The following LMNB1 variants were observed in gnomAD, a reference collection of about 807,000 sequenced individuals.
The protein encoded by LMNB1 is lamin B1, also known as lamin-B1.
Under a neutral mutation model 67.1 loss-of-function variants are expected in LMNB1, and 23 were observed. The observed-to-expected ratio is 0.34, with a 90% CI of 0.25 to 0.49. The LOEUF (loss-of-function observed/expected upper bound fraction) is 0.49. Ranked by LOEUF, LMNB1 falls within the 20% of genes least tolerant of loss-of-function variation. LMNB1 has a pLI of 0.99. For missense variants in LMNB1, 634 were observed against 746.5 expected, an observed-to-expected ratio of 0.85 and a Z score of 1.76; for synonymous variants, 281 against 282.9, an observed-to-expected ratio of 0.99 and a Z score of 0.07.
At position 126,777,832 on chromosome 5, in the gene LMNB1, C is replaced by T; in HGVS notation, c.324C>T (p.Gly108=). ...GCGCCAAGCTGCAGATCGAGCTGGG[C>T]AAGTGCAAGGCGGAACACGACCAGC... ...RERAKLQIEL[G]KCKAEHDQLL... is the part of the protein sequence containing the mutation. Residue 108 remains glycine (G), a synonymous_variant, in exon 1 of 11, where the codon GGC becomes GGT. Coordinates refer to ENST00000261366, the MANE Select transcript of LMNB1 (RefSeq NM_005573.4). 6.8e-7 allele frequency: 1 copy of T among 1,472,782 alleles called. No homozygotes were observed. Among genetic ancestry groups the T allele is most frequent in the Non-Finnish European group, 9.0e-7 (1 of 1,110,776 alleles). 91.2% of individuals were successfully genotyped at this position (1,472,782 alleles called of 1,614,324 possible).
At position 126,836,619 on chromosome 5, in the gene LMNB1, A is replaced by G; in HGVS notation, c.*355A>G. On this transcript the variant is annotated 3_prime_UTR_variant, in exon 11 of 11. Transcript: ENST00000261366. ...CACTGTGCGTCTTGGTGTAATTTGA[A>G]GATTGCCCCATCTAGACTAGCAATC... is the stretch of plus-strand genomic sequence containing the variant. The G allele has an allele frequency of 2.8e-6, 1 of 359,164 alleles. No individual in the cohort carries two copies. The highest frequency in any genetic ancestry group is 4.9e-6 in the Non-Finnish European group (1 of 203,542). The allele number at this position is 359,164 out of a possible 1,614,324, so 22.2% of individuals were successfully genotyped here.
At chr5:126,808,566 AAAGG>A (rs1299156993) in intron 3 of LMNB1, among the ~76,000 whole-genome samples, 1 of 152,110 alleles carries the variant, frequency 6.6e-6, no homozygotes, top group East Asian at 1.9e-4. Flanking sequence ...TTGGGGGAAA[AAAGG>A]AAGGAGAAAG....
At chr5:126,792,960 A>G (rs1041124368) in intron 1 of LMNB1, among the ~76,000 whole-genome samples, 2 of 152,210 alleles carry the variant, frequency 1.3e-5, no homozygotes, top group Non-Finnish European at 1.5e-5. Flanking sequence ...AGGAGCAATA[A>G]TGATGCTTAG....
chr5:126,779,034 C>A (rs1750556380), intron 1 of LMNB1, among the ~76,000 whole-genome samples: 1 of 152,112 alleles, frequency 6.6e-6, no homozygotes, highest in Non-Finnish European at 1.5e-5. Context: ...AATTCATGGT[C>A]GCCATTAGCA....
intron 4 of LMNB1, 89 bp from the exon 5 acceptor site, chr5:126,811,684 C>G (rs2126718493): frequency 1.6e-6 from 2 of 1,260,020 alleles, no homozygotes; most frequent in East Asian, 4.8e-5. Context: ...ACCAGCAGGA[C>G]TTAGGTTTGA....
rs11430160 is a variant in LMNB1 at position 126,812,718 on chromosome 5, C to CTTTTTTTTTTTTT, written c.939+832_939+844dup. 8.5e-5 allele frequency among the ~76,000 whole-genome samples: 10 copies of CTTTTTTTTTTTTT among 117,158 alleles called. 1 individual carries two copies. Among genetic ancestry groups the CTTTTTTTTTTTTT allele is most frequent in the African/African-American group, 2.4e-4 (7 of 29,378 alleles). The allele number at this position is 117,158 out of a possible 152,430, so 76.9% of individuals were successfully genotyped here. On this transcript the variant is annotated intron_variant, in intron 5 of 10. Coordinates refer to ENST00000261366, the MANE Select transcript of LMNB1 (RefSeq NM_005573.4). ...CCACATGAGAATAAACTTTATTTTACTTTTTTTTTTTTTTTTTTTTTTTTC... is the reference window on the plus strand; with the variant it reads ...CCACATGAGAATAAACTTTATTTTACTTTTTTTTTTTTTTTTTTTTTTTTTTTTTTTTTTTTTC...
rs771395775 is a variant in LMNB1, at chr5:126,804,806, C to T, written c.390C>T (p.Gly130=). The T allele has an allele frequency of 4.3e-6, 7 of 1,613,972 alleles. No homozygotes were observed. The highest frequency in any genetic ancestry group is 1.7e-4 in the Middle Eastern group (1 of 6,060). Residue 130 remains glycine, a synonymous_variant, in exon 2 of 11, where the codon GGC becomes GGT. Coordinates refer to ENST00000261366, the MANE Select transcript of LMNB1 (RefSeq NM_005573.4). The part of the protein sequence containing the change: ...NYAKKESDLN[G]AQIKLREYEA... ...CTAAGAAGGAATCTGATCTTAATGG[C>T]GCCCAGATCAAGCTTCGAGAATATG... is the stretch of plus-strand genomic sequence containing the variant.
In LMNB1 at chr5:126,810,295, A is replaced by G; in HGVS notation, c.758A>G (p.His253Arg). 4.3e-6 allele frequency: 7 copies of G among 1,613,824 alleles called. No homozygotes were observed. Among genetic ancestry groups the G allele is most frequent in the African/African-American group, 1.3e-5 (1 of 75,056 alleles). ...AQALHEMREQ[H>R]DAQVRLYKEE... ...GCCCTTCATGAGATGAGAGAGCAAC[A>G]TGATGCCCAAGTGAGGCTGTATAAG... is the stretch of plus-strand genomic sequence containing the variant. Residue 253 changes from histidine (H) to arginine (R), a missense_variant, in exon 4 of 11, where the codon CAT (histidine) becomes CGT (arginine). By Grantham distance (29) the His-to-Arg change is conservative (BLOSUM62 0). Transcript: ENST00000261366.
rs760426075 is a variant in LMNB1 at position 126,805,667 on chromosome 5, T to C, written c.613T>C (p.Leu205=). The change falls in exon 3 of 11, where the codon TTG becomes CTG. Residue 205 remains leucine, a synonymous_variant. Transcript: ENST00000261366. ...TCGTTGTCAGAGCCTTACTGAGGAC[T>C]TGGAGTTTCGCAAAAGCATGTATGA... ...ENRCQSLTED[L]EFRKSMYEEE... is the part of the protein sequence containing the mutation. 1.2e-6 allele frequency: 2 copies of C among 1,612,124 alleles called. No homozygotes were observed. Among genetic ancestry groups the C allele is most frequent in the East Asian group, 2.2e-5 (1 of 44,842 alleles).
At chr5:126,811,280 T>C (rs1354514955) in intron 4 of LMNB1, among the ~76,000 whole-genome samples, 2 of 152,218 alleles carry the variant, frequency 1.3e-5, no homozygotes, top group East Asian at 1.9e-4. Flanking sequence ...AATAGTGTTA[T>C]GGGATTTGTA....
intron 3 of LMNB1, 111 bp from the exon 4 acceptor site, chr5:126,810,065 GACAA>G (rs1328479782): frequency 5.3e-6 from 5 of 938,606 alleles, no homozygotes; most frequent in Non-Finnish European, 7.9e-6. Context: ...ACCGCCTGAG[GACAA>G]ACAGGAGGAA....
At chr5:126,800,979 AT>A (rs1175036200) in intron 1 of LMNB1, among the ~76,000 whole-genome samples, 9 of 35,478 alleles carry the variant, frequency 2.5e-4, no homozygotes, top group Admixed American at 7.6e-4. Context: ...ATATATATAT[AT>A]AATTTTTTTT....
At chr5:126,798,762 AGTGT>A (rs71665643) in intron 1 of LMNB1, among the ~76,000 whole-genome samples, 65 of 149,180 alleles carry the variant, frequency 4.4e-4, no homozygotes, top group African/African-American at 1.1e-3. Flanking sequence ...AAAAAAGAGA[AGTGT>A]GTGTGTGTGT....
intron 10 of LMNB1, 22 bp downstream of exon 10, chr5:126,832,823 A>G (rs778669392): frequency 6.9e-7 from 1 of 1,439,184 alleles, no homozygotes; most frequent in Non-Finnish European, 9.4e-7. Context: ...TTTATTTAAT[A>G]TATTTATTTC....
In LMNB1 at chr5:126,777,433, G is replaced by T. The variant is rs1371898314; in HGVS notation, c.-76G>T. ...TCGCCGGTTTGTGCCTTCGGTCCCC[G>T]CTTCGCCCCCTGCCGTCCCCTCCTT... On this transcript the variant is annotated 5_prime_UTR_variant, in exon 1 of 11. Transcript: ENST00000261366. 4 of 1,255,346 alleles carry T rather than the reference G, an allele frequency of 3.2e-6. No individual in the cohort carries two copies. The highest frequency in any genetic ancestry group is 4.0e-6 in the Non-Finnish European group (4 of 1,002,702). 77.8% of individuals were successfully genotyped at this position (1,255,346 alleles called of 1,614,324 possible).
At chr5:126,806,959 A>G (rs890149760) in intron 3 of LMNB1, among the ~76,000 whole-genome samples, 3 of 151,962 alleles carry the variant, frequency 2.0e-5, no homozygotes, top group Non-Finnish European at 4.4e-5. Context: ...TTGTATTTTT[A>G]ATAGAGACGA....
intron 1 of LMNB1, among the ~76,000 whole-genome samples, chr5:126,793,284 G>C (rs922710673): frequency 1.3e-5 from 2 of 151,802 alleles, no homozygotes; most frequent in African/African-American, 4.8e-5. Flanking sequence ...ATCTGTACGA[G>C]TCTGCTCCAT....
intron 3 of LMNB1, among the ~76,000 whole-genome samples, chr5:126,808,575 A>C (rs1009006988): frequency 6.6e-6 from 1 of 152,074 alleles, no homozygotes; most frequent in African/African-American, 2.4e-5. Flanking sequence ...AAAAGGAAGG[A>C]GAAAGACGAA....
intron 1 of LMNB1, among the ~76,000 whole-genome samples, chr5:126,784,100 C>G (rs1221306984): frequency 7.3e-6 from 1 of 137,776 alleles, no homozygotes; most frequent in Non-Finnish European, 1.5e-5. Context: ...TCTCAGCTCA[C>G]TGCAACCTCC....
Sources: allele counts gnomAD v4.1 joint callset (sites outside exome capture counted in the v4.1 genomes callset), GRCh38; gene constraint gnomAD v4.1.1; transcripts MANE v1.5; gene names NCBI Gene and HGNC (gene_info 2026-07-23, HGNC 2026-07-21).